CYS1: variants seen among roughly 807,000 people sequenced by gnomAD.
CYS1 encodes the protein cystin-1.
Under a neutral mutation model 9.6 loss-of-function variants are expected in CYS1, and 5 were observed. The ratio of observed to expected loss-of-function variants is 0.52; its 90% confidence interval spans 0.27 to 1.10. The LOEUF is 1.10. CYS1 is among the 50% of genes least tolerant of loss of function. The probability of loss-of-function intolerance (pLI) is 0.11; values close to 1 mark genes in which losing one functional copy is unlikely to be tolerated. For synonymous variants in CYS1, 88 were observed against 95.7 expected, an observed-to-expected ratio of 0.92 and a Z score of 0.47; for missense variants, 221 against 207.9, an observed-to-expected ratio of 1.06 and a Z score of -0.39.
intron 1 of CYS1, among the ~76,000 whole-genome samples, chr2:10,070,472 A>C (rs1661752552): frequency 6.6e-6 from 1 of 151,704 alleles, no homozygotes; most frequent in Non-Finnish European, 1.5e-5. Context: ...CAGCCTCCAG[A>C]GTAGCTGGGA....
chr2:10,062,261 G>C (rs1661638062), intron 2 of CYS1, among the ~76,000 whole-genome samples: 1 of 152,110 alleles, frequency 6.6e-6, no homozygotes, highest in South Asian at 2.1e-4. Context: ...CCTTTCCAAG[G>C]AAAATCACTC....
chr2:10,066,748 A>G (rs997934661), intron 1 of CYS1, among the ~76,000 whole-genome samples: 4 of 152,348 alleles, frequency 2.6e-5, no homozygotes, highest in Middle Eastern at 3.4e-3. Context: ...AAAACATTGC[A>G]AAGTGGAAAA....
At position 10,063,760 on chromosome 2, in the gene CYS1, GCGAGA is replaced by G. The variant is rs1267445222; in HGVS notation, c.371+2139_371+2143del. Reference sequence around the variant, plus strand: ...GGGAGTCAGGTGTGTGCCGTGGGCAGCGAGAAGCACAGTGGGTACAGGGCAGATGC... The same window carrying G: ...GGGAGTCAGGTGTGTGCCGTGGGCAGAGCACAGTGGGTACAGGGCAGATGC... On this transcript the variant is annotated intron_variant, in intron 2 of 2. Transcript: ENST00000381813. This position sits in a 1 kb window ranked among gnomAD's most constrained non-coding sequence, Gnocchi z 4.2. Among the ~76,000 whole-genome samples, 12 of 152,194 alleles carry G rather than the reference GCGAGA, an allele frequency of 7.9e-5. No individual in the cohort carries two copies. Among genetic ancestry groups the G allele is most frequent in the African/African-American group, 2.9e-4 (12 of 41,442 alleles).
chr2:10,072,934 G>A (rs994198630), intron 1 of CYS1, among the ~76,000 whole-genome samples: 16 of 151,868 alleles, frequency 1.1e-4, no homozygotes, highest in East Asian at 3.9e-4. Context: ...GGGGGATGGC[G>A]CAGGTGGGGT....
intron 1 of CYS1, among the ~76,000 whole-genome samples, chr2:10,070,633 A>G (rs1364040815): frequency 1.3e-5 from 2 of 151,426 alleles, no homozygotes. Flanking sequence ...GGTGTGAGCC[A>G]CTGCGCCTGG....
rs1356054604 is a variant in CYS1, at chr2:10,056,525, T to C, written c.*2328A>G. Among the ~76,000 whole-genome samples the C allele has an allele frequency of 6.6e-6, 1 of 152,230 alleles. No individual in the cohort carries two copies. Among genetic ancestry groups the C allele is most frequent in the Non-Finnish European group, 1.5e-5 (1 of 68,026 alleles). On this transcript the variant is annotated 3_prime_UTR_variant, in exon 3 of 3. Transcript: ENST00000381813. ...CAACAACGTGCGTCATTTTTGCCTTTGAGATGTGTTTCTTTCTGCCTCCAT... is the reference window on the plus strand; with the variant it reads ...CAACAACGTGCGTCATTTTTGCCTTCGAGATGTGTTTCTTTCTGCCTCCAT...
Position 10,066,402 on chromosome 2 carries a change from C to T in CYS1, c.319-446G>A, listed in dbSNP as rs534980017. Among the ~76,000 whole-genome samples the T allele has an allele frequency of 7.9e-5, 12 of 152,280 alleles. No individual in the cohort carries two copies. In the South Asian group the frequency reaches 1.9e-3, roughly 24 times the overall value. Reference sequence around the variant, plus strand: ...ACTGCCACCTAGCACGAGGACACCCCGTATGTCACCTCCAGGAACCACGCG... The same window carrying T: ...ACTGCCACCTAGCACGAGGACACCCTGTATGTCACCTCCAGGAACCACGCG... On this transcript the variant is annotated intron_variant, in intron 1 of 2. Transcript: ENST00000381813.
intron 1 of CYS1, among the ~76,000 whole-genome samples, chr2:10,077,869 G>A (rs7576056): frequency 0.098 from 14,911 of 151,992 alleles, 762 homozygotes; most frequent in Middle Eastern, 0.18. Context: ...CAGCACTTTC[G>A]GAGACCAAGG....
chr2:10,080,131 C>A lies in CYS1; in HGVS notation c.93G>T (p.Glu31Asp). 1 of 1,041,096 alleles carries A rather than the reference C, an allele frequency of 9.6e-7. No individual in the cohort carries two copies. Among genetic ancestry groups the A allele is most frequent in the Non-Finnish European group, 1.2e-6 (1 of 868,748 alleles). The allele number at this position is 1,041,096 out of a possible 1,614,324, so 64.5% of individuals were successfully genotyped here. A position where few individuals can be genotyped will look rare whatever the true frequency, so the allele number is the denominator to read the frequency against. The change falls in exon 1 of 3, where the codon GAG becomes GAT. Residue 31 changes from glutamate to aspartate, a missense_variant. Physicochemically the swap from Glu to Asp is conservative, Grantham distance 45. Transcript: ENST00000381813. The surrounding 1 kb of genome is among the most constrained non-coding windows in gnomAD (Gnocchi z 6.4). The part of the protein sequence containing the change: ...LPAGPGAAAL[E>D]GGTRRRVPVA... ...CCGGCACCCGCCGGCGGGTCCCGCC[C>A]TCCAGGGCTGCCGCTCCGGGCCCCG...
At chr2:10,069,378 GTTGTT>G (rs1164695523) in intron 1 of CYS1, among the ~76,000 whole-genome samples, 2 of 152,122 alleles carry the variant, frequency 1.3e-5, no homozygotes, top group African/African-American at 2.4e-5. Context: ...TGTTGTTGTT[GTTGTT>G]TTTTGCGACG....
At chr2:10,073,856 G>T (rs1661808728) in intron 1 of CYS1, among the ~76,000 whole-genome samples, 1 of 151,544 alleles carries the variant, frequency 6.6e-6, no homozygotes, top group African/African-American at 2.4e-5. Flanking sequence ...CAGCCTCTCA[G>T]CAGGGCAGGA....
intron 1 of CYS1, among the ~76,000 whole-genome samples, chr2:10,072,741 T>C (rs374030478): frequency 7.9e-5 from 12 of 152,378 alleles, no homozygotes; most frequent in Admixed American, 5.2e-4. Context: ...AGTCTCGTTC[T>C]GTTGCTCACC....
At chr2:10,073,991 C>G (rs979628356) in intron 1 of CYS1, among the ~76,000 whole-genome samples, 12 of 152,218 alleles carry the variant, frequency 7.9e-5, no homozygotes, top group Admixed American at 7.9e-4. Context: ...GGTCGAGGCA[C>G]TGGGCTTCTA....
In CYS1 at chr2:10,058,787, T is replaced by C; in HGVS notation, c.*66A>G. 3.6e-6 allele frequency: 5 copies of C among 1,386,172 alleles called. No homozygotes were observed. The highest frequency in any genetic ancestry group is 4.9e-6 in the Non-Finnish European group (5 of 1,015,308). 85.9% of individuals were successfully genotyped at this position (1,386,172 alleles called of 1,614,324 possible). A position where few individuals can be genotyped will look rare whatever the true frequency, so the allele number is the denominator to read the frequency against. Reference sequence around the variant, plus strand: ...TGGTTCAGCTCCTGCTAGAGCTCTGTGCAAGCAGAGGGTGCCCCAGCCAGC... The same window carrying C: ...TGGTTCAGCTCCTGCTAGAGCTCTGCGCAAGCAGAGGGTGCCCCAGCCAGC... On this transcript the variant is annotated 3_prime_UTR_variant, in exon 3 of 3. Coordinates refer to ENST00000381813, the MANE Select transcript of CYS1 (RefSeq NM_001037160.3).
Position 10,058,827 on chromosome 2 carries a change from C to G in CYS1, c.*26G>C, listed in dbSNP as rs1283026694. The stretch of plus-strand genomic sequence containing the variant: ...CCCCAGCCAGCAGGTGCCTCCGAGG[C>G]CTGGCGGGGGTGGAGCATGCTGTCC... On this transcript the variant is annotated 3_prime_UTR_variant, in exon 3 of 3. Transcript: ENST00000381813. 1.3e-6 allele frequency: 2 copies of G among 1,533,754 alleles called. No individual in the cohort carries two copies. The highest frequency in any genetic ancestry group is 1.8e-6 in the Non-Finnish European group (2 of 1,135,802).
At position 10,080,257 on chromosome 2, in the gene CYS1, G is replaced by A. The variant is rs926504991; in HGVS notation, c.-34C>T. The stretch of plus-strand genomic sequence containing the variant: ...CGCCGCCTCCCGGACCGCCGAGGGG[G>A]CCCCCATGAGGGGGCGCGGCCGGGG... On this transcript the variant is annotated 5_prime_UTR_variant, in exon 1 of 3. Coordinates refer to ENST00000381813, the MANE Select transcript of CYS1 (RefSeq NM_001037160.3). The surrounding 1 kb of genome is among the most constrained non-coding windows in gnomAD (Gnocchi z 6.4). 1.9e-6 allele frequency: 2 copies of A among 1,031,632 alleles called. No individual in the cohort carries two copies. The highest frequency in any genetic ancestry group is 1.2e-6 in the Non-Finnish European group (1 of 862,674). The allele number at this position is 1,031,632 out of a possible 1,614,324, so 63.9% of individuals were successfully genotyped here. A position where few individuals can be genotyped will look rare whatever the true frequency, so the allele number is the denominator to read the frequency against.
At chr2:10,064,837 C>T (rs1231759818) in intron 2 of CYS1, among the ~76,000 whole-genome samples, 3 of 151,954 alleles carry the variant, frequency 2.0e-5, no homozygotes, top group Non-Finnish European at 4.4e-5. Flanking sequence ...CCTGCCTTAG[C>T]CCCCGGAGTA....
At chr2:10,070,198 C>T (rs890307072) in intron 1 of CYS1, among the ~76,000 whole-genome samples, 18 of 152,210 alleles carry the variant, frequency 1.2e-4, no homozygotes, top group Non-Finnish European at 2.9e-5. Flanking sequence ...CCCGTCTCCT[C>T]ACCTTCCGGG....
chr2:10,059,170 G>A (rs1661592723), intron 2 of CYS1, among the ~76,000 whole-genome samples: 1 of 152,244 alleles, frequency 6.6e-6, no homozygotes, highest in South Asian at 2.1e-4. Context: ...CTGAGCCCTC[G>A]CAGAGTGGAA....
Sources: gnomAD v4.1 joint callset for allele counts (sites outside exome capture counted in the v4.1 genomes callset) on GRCh38, gnomAD v4.1.1 for gene constraint, Gnocchi (gnomAD v3.1) non-coding constraint, MANE v1.5 for transcripts, NCBI Gene and HGNC (gene_info 2026-07-23, HGNC 2026-07-21) for gene names.